The following IQCJ variants were observed in gnomAD, a reference collection of about 807,000 sequenced individuals.
IQCJ encodes the protein IQ motif containing J, also known as IQ domain-containing protein J.
Under a neutral mutation model 11.0 loss-of-function variants are expected in IQCJ, and 9 were observed. The observed-to-expected ratio is 0.82, with a 90% CI of 0.49 to 1.43. The LOEUF is 1.43. Ranked by LOEUF, IQCJ falls within the 40% of genes most tolerant of loss-of-function variation. The probability of loss-of-function intolerance (pLI) is 0.00; values close to 1 mark genes in which losing one functional copy is unlikely to be tolerated. For missense variants in IQCJ, 146 were observed against 133.2 expected (o/e 1.10, Z -0.47); for synonymous variants, 55 against 51.3 (o/e 1.07, Z -0.31).
chr3:159,264,295 C>T (rs969553557), downstream of IQCJ, among the ~76,000 whole-genome samples: 76 of 152,262 alleles, frequency 5.0e-4, no homozygotes, highest in Admixed American at 7.8e-4. Flanking sequence ...TATATTTGTA[C>T]GGCTGTACTG....
intron 1 of IQCJ, among the ~76,000 whole-genome samples, chr3:159,200,544 G>C (rs1029112685): frequency 9.2e-5 from 14 of 152,134 alleles, no homozygotes; most frequent in African/African-American, 3.4e-4. Context: ...TTAACGGGAA[G>C]CCTGGAGACC....
chr3:159,118,240 G>T (rs544525057), intron 1 of IQCJ, among the ~76,000 whole-genome samples: 1 of 152,214 alleles, frequency 6.6e-6, no homozygotes, highest in South Asian at 2.1e-4. Context: ...GAGGGGAGAA[G>T]GGAGATGACT....
At chr3:159,222,147 G>A (rs1202506487) in intron 1 of IQCJ, among the ~76,000 whole-genome samples, 1 of 152,186 alleles carries the variant, frequency 6.6e-6, no homozygotes. Flanking sequence ...CCTCTTCTGG[G>A]TAGATACCAA....
chr3:159,129,452 G>T (rs528470593), intron 1 of IQCJ, among the ~76,000 whole-genome samples: 1 of 152,214 alleles, frequency 6.6e-6, no homozygotes, highest in South Asian at 2.1e-4. Flanking sequence ...CTAAGCTTGT[G>T]GCACAAGTTG....
intron 1 of IQCJ, among the ~76,000 whole-genome samples, chr3:159,164,398 T>C (rs1424401360): frequency 6.6e-6 from 1 of 152,218 alleles, no homozygotes; most frequent in African/African-American, 2.4e-5. Flanking sequence ...CTTACTGTCT[T>C]TAAAAGTATT....
chr3:159,229,571 T>C (rs1012062614), intron 1 of IQCJ, among the ~76,000 whole-genome samples: 6 of 151,654 alleles, frequency 4.0e-5, no homozygotes, highest in African/African-American at 9.7e-5. Context: ...TGTTAAACAA[T>C]GAATGGAACA....
chr3:159,141,934 C>T (rs550431408), intron 1 of IQCJ, among the ~76,000 whole-genome samples: 1 of 152,278 alleles, frequency 6.6e-6, no homozygotes, highest in South Asian at 2.1e-4. Flanking sequence ...GCAACTTTAT[C>T]AGCTCCAGTT....
intron 1 of IQCJ, among the ~76,000 whole-genome samples, chr3:159,195,912 A>G (rs1723957467): frequency 6.6e-6 from 1 of 152,226 alleles, no homozygotes; most frequent in Non-Finnish European, 1.5e-5. Context: ...TGTCTTGCAT[A>G]GGATAAACAC....
chr3:159,157,072 T>C (rs756488208), intron 1 of IQCJ, among the ~76,000 whole-genome samples: 1 of 152,168 alleles, frequency 6.6e-6, no homozygotes. Context: ...AGATTTACCT[T>C]CTTAATTGTG....
intron 1 of IQCJ, among the ~76,000 whole-genome samples, chr3:159,111,169 C>G (rs192912004): frequency 6.6e-6 from 1 of 152,278 alleles, no homozygotes; most frequent in Admixed American, 6.5e-5. Context: ...AGCTCTAGAA[C>G]AAAACCTTTA....
intron 1 of IQCJ, among the ~76,000 whole-genome samples, chr3:159,191,403 G>A (rs533831398): frequency 6.6e-6 from 1 of 152,198 alleles, no homozygotes; most frequent in South Asian, 2.1e-4. Flanking sequence ...AGGATTTGGG[G>A]GACAGAAATG....
chr3:159,069,750 T>C (rs1027177452), intron 1 of IQCJ: 1 of 557,424 alleles, frequency 1.8e-6, no homozygotes, highest in Non-Finnish European at 3.4e-6. Flanking sequence ...TCTGTAAATA[T>C]CTTACACAAC....
chr3:159,153,752 G>A (rs1384512081), intron 1 of IQCJ, among the ~76,000 whole-genome samples: 1 of 152,248 alleles, frequency 6.6e-6, no homozygotes, highest in Admixed American at 6.5e-5. Context: ...TTTCCTTTGT[G>A]ACATAGGTTC....
intron 1 of IQCJ, among the ~76,000 whole-genome samples, chr3:159,204,827 A>G (rs979661012): frequency 6.6e-6 from 1 of 152,180 alleles, no homozygotes; most frequent in Non-Finnish European, 1.5e-5. Context: ...AAAACAGGGA[A>G]GTTTCTGAAT....
At chr3:159,160,367 A>T (rs1003327318) in intron 1 of IQCJ, among the ~76,000 whole-genome samples, 3 of 150,654 alleles carry the variant, frequency 2.0e-5, no homozygotes, top group African/African-American at 4.9e-5. Context: ...CAGTGGTGTG[A>T]TCTCGGCTCA....
chr3:159,107,864 G>C (rs2108113120), intron 1 of IQCJ, among the ~76,000 whole-genome samples: 1 of 152,130 alleles, frequency 6.6e-6, no homozygotes, highest in South Asian at 2.1e-4. Context: ...GGATGTCCTG[G>C]ACAAGTTGAG....
At chr3:159,245,349 TA>T (rs954176415) in intron 1 of IQCJ, among the ~76,000 whole-genome samples, 2 of 149,356 alleles carry the variant, frequency 1.3e-5, no homozygotes, top group East Asian at 1.9e-4. Flanking sequence ...CATTAGTGAG[TA>T]AAAAAAAAGT....
At position 159,069,352 on chromosome 3, in the gene IQCJ, C is replaced by A. The variant is rs1715377093; in HGVS notation, c.-81C>A. 1 of 1,544,024 alleles carries A rather than the reference C, an allele frequency of 6.5e-7. No individual in the cohort carries two copies. Among genetic ancestry groups the A allele is most frequent in the East Asian group, 2.3e-5 (1 of 43,806 alleles). On this transcript the variant is annotated 5_prime_UTR_variant, in exon 1 of 4. Coordinates refer to ENST00000397832, the MANE Select transcript of IQCJ (RefSeq NM_001042706.3). ...CTCACATTCCCCCACAGTCACATTG[C>A]GCTCTGTGATTCTGAGGAATACAGT... is the stretch of plus-strand genomic sequence containing the variant.
chr3:159,261,967 C>T (rs1728236307), intron 3 of IQCJ, among the ~76,000 whole-genome samples: 1 of 152,164 alleles, frequency 6.6e-6, no homozygotes, highest in African/African-American at 2.4e-5. Flanking sequence ...TGATGTGGTG[C>T]TCTCGCCTGC....
Sources: allele counts gnomAD v4.1 joint callset (sites outside exome capture counted in the v4.1 genomes callset), GRCh38; gene constraint gnomAD v4.1.1; transcripts MANE v1.5; gene names NCBI Gene and HGNC (gene_info 2026-07-23, HGNC 2026-07-21).